The following PIP5K1B variants were observed in gnomAD, a reference collection of about 807,000 sequenced individuals.
The protein encoded by PIP5K1B is phosphatidylinositol-4-phosphate 5-kinase type 1 beta, also known as phosphatidylinositol 4-phosphate 5-kinase type-1 beta.
Under a neutral mutation model 67.0 loss-of-function variants are expected in PIP5K1B, and 42 were observed. That is an observed-to-expected ratio of 0.63 (90% CI 0.49 to 0.81). The LOEUF (loss-of-function observed/expected upper bound fraction) is 0.81. PIP5K1B is among the 30% of genes least tolerant of loss of function. PIP5K1B has a pLI of 0.00. For missense variants in PIP5K1B, 459 were observed against 646.3 expected, an observed-to-expected ratio of 0.71 and a Z score of 3.14; for synonymous variants, 214 against 231.4, an observed-to-expected ratio of 0.92 and a Z score of 0.68.
chr9:68,784,258 A>G (rs550087270), intron 2 of PIP5K1B: 2 of 167,244 alleles, frequency 1.2e-5, no homozygotes, highest in South Asian at 4.1e-4. Flanking sequence ...TTTTTAAGGT[A>G]TTAGTATTGC....
intron 2 of PIP5K1B, among the ~76,000 whole-genome samples, chr9:68,802,365 C>T (rs375780406): frequency 9.2e-5 from 14 of 152,162 alleles, no homozygotes; most frequent in Non-Finnish European, 1.5e-4. Flanking sequence ...AACAGAAATA[C>T]GCATATATGC....
At chr9:68,885,207 C>T (rs573278522) in intron 6 of PIP5K1B, among the ~76,000 whole-genome samples, 1 of 152,164 alleles carries the variant, frequency 6.6e-6, no homozygotes, top group Non-Finnish European at 1.5e-5. Context: ...GAGCCAGGCA[C>T]AGAAAGATAA....
At chr9:68,939,887 T>A (rs1458587255) in intron 13 of PIP5K1B, among the ~76,000 whole-genome samples, 1 of 152,224 alleles carries the variant, frequency 6.6e-6, no homozygotes, top group East Asian at 1.9e-4. Context: ...TTGTATTTAT[T>A]AGCATCTATT....
chr9:68,827,542 T>C (rs1834052428), intron 4 of PIP5K1B, among the ~76,000 whole-genome samples: 1 of 152,148 alleles, frequency 6.6e-6, no homozygotes, highest in East Asian at 1.9e-4. Context: ...AACATTGTTG[T>C]AGGGGCTAGT....
chr9:68,873,543 A>G (rs1823730739), intron 5 of PIP5K1B, among the ~76,000 whole-genome samples: 2 of 151,822 alleles, frequency 1.3e-5, no homozygotes, highest in Non-Finnish European at 2.9e-5. Context: ...AGCTCTTTAT[A>G]TTAGGAGATT....
chr9:68,991,962 A>C (rs554819222), intron 15 of PIP5K1B, among the ~76,000 whole-genome samples: 73 of 148,786 alleles, frequency 4.9e-4, no homozygotes, highest in African/African-American at 1.8e-3. Context: ...TGCCTGCACA[A>C]AAAAAAATTT....
At chr9:68,974,368 A>G (rs912370404) in intron 14 of PIP5K1B, among the ~76,000 whole-genome samples, 1 of 152,246 alleles carries the variant, frequency 6.6e-6, no homozygotes, top group Admixed American at 6.5e-5. Flanking sequence ...TCTAATGCAC[A>G]TTAAAGCTTG....
At chr9:68,894,020 G>A (rs766535107) in intron 7 of PIP5K1B, among the ~76,000 whole-genome samples, 9 of 152,228 alleles carry the variant, frequency 5.9e-5, no homozygotes, top group Admixed American at 1.3e-4. Flanking sequence ...TTGGCAATTC[G>A]TTTTCTCTTT....
intron 15 of PIP5K1B, among the ~76,000 whole-genome samples, chr9:68,995,939 G>T (rs1227914818): frequency 1.3e-5 from 2 of 152,034 alleles, no homozygotes; most frequent in East Asian, 3.9e-4. Flanking sequence ...ATCTTTATCT[G>T]AAGGGCAGTT....
rs146730497 is a variant in PIP5K1B at position 68,930,675 on chromosome 9, C to CCACA, written c.1202-4205_1202-4202dup. On this transcript the variant is annotated intron_variant, in intron 12 of 15. Transcript: ENST00000265382. ...ATCATGTACCCATTCAATCCAATTT[C>CCACA]CACACACACACACTGCAGCTAGAGG... Among the ~76,000 whole-genome samples, 166 of 151,676 alleles carry CCACA rather than the reference C, an allele frequency of 1.1e-3. 1 individual carries two copies. The highest frequency in any genetic ancestry group is 3.6e-3 in the African/African-American group (148 of 41,294).
chr9:68,817,085 A>G (rs535203403), intron 2 of PIP5K1B, among the ~76,000 whole-genome samples: 1 of 152,374 alleles, frequency 6.6e-6, no homozygotes, highest in African/African-American at 2.4e-5. Flanking sequence ...ACAGCCCAGT[A>G]TAAAAATAGT....
intron 3 of PIP5K1B, among the ~76,000 whole-genome samples, chr9:68,820,058 C>A (rs564717058): frequency 6.6e-6 from 1 of 152,308 alleles, no homozygotes; most frequent in African/African-American, 2.4e-5. Context: ...GTTAACCTCT[C>A]ATTAAGGTTG....
rs182920405 is a variant in PIP5K1B at position 68,987,082 on chromosome 9, G to A, written c.1503-4058G>A. On this transcript the variant is annotated intron_variant, in intron 14 of 15. Transcript: ENST00000265382. ...AGCCTGGCCAATATGGCAAAACCCC[G>A]TCTCTACTAAAATATGAAAATTAGC... Among the ~76,000 whole-genome samples, 236 of 151,508 alleles carry A rather than the reference G, an allele frequency of 1.6e-3. 1 individual carries two copies. Among genetic ancestry groups the A allele is most frequent in the African/African-American group, 5.4e-3 (224 of 41,292 alleles).
At chr9:68,790,038 G>A (rs1831870840) in intron 2 of PIP5K1B, among the ~76,000 whole-genome samples, 1 of 151,842 alleles carries the variant, frequency 6.6e-6, no homozygotes, top group African/African-American at 2.4e-5. Flanking sequence ...GTCATTCCTA[G>A]GGAAACAAAG....
At position 68,942,461 on chromosome 9, in the gene PIP5K1B, A is replaced by AGTG. The variant is rs565129924; in HGVS notation, c.1502+1695_1502+1697dup. 2.6e-3 allele frequency among the ~76,000 whole-genome samples: 393 copies of AGTG among 151,678 alleles called. 1 individual carries two copies. The highest frequency in any genetic ancestry group is 0.017 in the Middle Eastern group (5 of 294). ...TTGTTTTGTTTTGTGTTTTGGTAGC[A>AGTG]GTGGTGGTGGTGGTGGTGGTGGTGG... is the stretch of plus-strand genomic sequence containing the variant. On this transcript the variant is annotated intron_variant, in intron 14 of 15. Transcript: ENST00000265382.
At chr9:68,970,935 T>C (rs1541084) in intron 14 of PIP5K1B, among the ~76,000 whole-genome samples, 79,923 of 152,148 alleles carry the variant, frequency 0.53, 21,580 homozygotes, top group East Asian at 0.79. Context: ...TCTTGCTTGC[T>C]AGAGTCAAAT....
At chr9:68,911,584 A>G (rs1446637224) in intron 8 of PIP5K1B, among the ~76,000 whole-genome samples, 9 of 151,838 alleles carry the variant, frequency 5.9e-5, no homozygotes, top group African/African-American at 2.2e-4. Context: ...ATTTAGGGTT[A>G]TAGCATGGCC....
At chr9:68,940,936 A>G (rs1827529325) in intron 14 of PIP5K1B, 146 bp downstream of exon 14, 1 of 782,578 alleles carries the variant, frequency 1.3e-6, no homozygotes, top group Non-Finnish European at 2.2e-6. Flanking sequence ...AACATGCTTG[A>G]TTTTTACTGT....
intron 5 of PIP5K1B, among the ~76,000 whole-genome samples, chr9:68,873,894 A>G (rs1823749696): frequency 6.6e-6 from 1 of 152,228 alleles, no homozygotes; most frequent in Admixed American, 6.5e-5. Flanking sequence ...GTAGGACTTA[A>G]GAGAGTACAG....
Sources: allele counts gnomAD v4.1 joint callset (sites outside exome capture counted in the v4.1 genomes callset), GRCh38; gene constraint gnomAD v4.1.1; transcripts MANE v1.5; gene names NCBI Gene and HGNC (gene_info 2026-07-23, HGNC 2026-07-21).